The following UGCG variants were observed in gnomAD, a reference collection of about 807,000 sequenced individuals.
UGCG encodes the protein ceramide glucosyltransferase.
A neutral mutation model predicts 49.5 loss-of-function variants in UGCG; 10 were observed. That is an observed-to-expected ratio of 0.20 (90% CI 0.12 to 0.34). UGCG has a LOEUF of 0.34. Among genes scored for constraint, UGCG ranks in the 10% least tolerant of loss-of-function variants. The pLI, the probability that UGCG is intolerant of heterozygous loss-of-function variation, is 1.00. For missense variants in UGCG, 312 were observed against 483.7 expected (o/e 0.65, Z 3.33); for synonymous variants, 182 against 158.2 (o/e 1.15, Z -1.13).
intron 1 of UGCG, among the ~76,000 whole-genome samples, chr9:111,907,942 G>T (rs1014956436): frequency 2.0e-5 from 3 of 152,132 alleles, no homozygotes; most frequent in Non-Finnish European, 4.4e-5. Context: ...CTTATTTTCT[G>T]TGTCATAGGA....
chr9:111,934,092 A>T lies in UGCG; in HGVS notation c.*1095A>T, dbSNP rs568170662. On this transcript the variant is annotated 3_prime_UTR_variant, in exon 9 of 9. Transcript: ENST00000374279. ...GAGGGGACAGGATGAGTTTACTCTT[A>T]AAATTAATCAGTATCAAACTAAGTC... 1 of 152,182 alleles carries T rather than the reference A, an allele frequency of 6.6e-6. No homozygotes were observed. Among genetic ancestry groups the T allele is most frequent in the African/African-American group, 2.4e-5 (1 of 41,548 alleles). 9.4% of individuals were successfully genotyped at this position (152,182 alleles called of 1,614,324 possible). A position where few individuals can be genotyped will look rare whatever the true frequency, so the allele number is the denominator to read the frequency against.
At chr9:111,928,483 G>A (rs990618294) in intron 5 of UGCG, among the ~76,000 whole-genome samples, 1 of 152,122 alleles carries the variant, frequency 6.6e-6, no homozygotes. Flanking sequence ...GCCATACTTA[G>A]AATTAATCAT....
chr9:111,907,797 T>C (rs1403889976), intron 1 of UGCG, among the ~76,000 whole-genome samples: 1 of 151,944 alleles, frequency 6.6e-6, no homozygotes, highest in Non-Finnish European at 1.5e-5. Flanking sequence ...GCTAATTATT[T>C]TTTGTATTTT....
intron 2 of UGCG, among the ~76,000 whole-genome samples, chr9:111,919,794 CAA>C (rs61089422): frequency 3.1e-4 from 24 of 76,296 alleles, no homozygotes; most frequent in Admixed American, 7.7e-4. Context: ...GACTCCATCT[CAA>C]AAAAAAAAAA....
Position 111,897,056 on chromosome 9 carries a change from GCCC to G in UGCG, c.-159_-157del. The G allele has an allele frequency of 2.5e-6, 1 of 392,266 alleles. No individual in the cohort carries two copies. Among genetic ancestry groups the G allele is most frequent in the Middle Eastern group, 7.4e-4 (1 of 1,358 alleles). The allele number at this position is 392,266 out of a possible 1,614,324, so 24.3% of individuals were successfully genotyped here. A position where few individuals can be genotyped will look rare whatever the true frequency, so the allele number is the denominator to read the frequency against. Reference sequence around the variant, plus strand: ...GCGCGGGCGGGGGCGCGCAGGCCCTGCCCGCCCCTTCCGTCCCCACCCCCCTCC... The same window carrying G: ...GCGCGGGCGGGGGCGCGCAGGCCCTGGCCCCTTCCGTCCCCACCCCCCTCC... On this transcript the variant is annotated 5_prime_UTR_variant, in exon 1 of 9. Transcript: ENST00000374279.
intron 2 of UGCG, among the ~76,000 whole-genome samples, chr9:111,922,623 T>C (rs1275602524): frequency 6.6e-6 from 1 of 152,200 alleles, no homozygotes; most frequent in East Asian, 1.9e-4. Flanking sequence ...ACTGCCAGTC[T>C]CTTCCTTATT....
In UGCG at chr9:111,934,134, T is replaced by G. The variant is rs553993057; in HGVS notation, c.*1137T>G. 16 of 151,808 alleles carry G rather than the reference T, an allele frequency of 1.1e-4. No individual in the cohort carries two copies. Among genetic ancestry groups the G allele is most frequent in the Middle Eastern group, 3.4e-3 (1 of 294 alleles). The allele number at this position is 151,808 out of a possible 1,614,324, so 9.4% of individuals were successfully genotyped here. ...AACTAAGTCTACTGTGTGTGTTTTT[T>G]TTTTTTGTTTTTTGTTTTTGTTTGT... On this transcript the variant is annotated 3_prime_UTR_variant, in exon 9 of 9. Transcript: ENST00000374279.
intron 2 of UGCG, chr9:111,915,040 C>A (rs1014167537): frequency 1.2e-5 from 3 of 241,606 alleles, no homozygotes; most frequent in Non-Finnish European, 2.4e-5. Flanking sequence ...TAAAAATTTT[C>A]TTCCATAAGA....
intron 6 of UGCG, among the ~76,000 whole-genome samples, chr9:111,930,079 A>T (rs1417337202): frequency 6.6e-6 from 1 of 152,124 alleles, no homozygotes; most frequent in Non-Finnish European, 1.5e-5. Context: ...CGGCCTCCTA[A>T]AGTGCTGGGA....
chr9:111,927,514 C>T (rs374679003), intron 5 of UGCG, among the ~76,000 whole-genome samples: 41 of 151,762 alleles, frequency 2.7e-4, no homozygotes, highest in Non-Finnish European at 4.4e-4. Flanking sequence ...TGCAGTGGCG[C>T]GATCTCGGCT....
At chr9:111,899,956 C>T (rs1837737218) in intron 1 of UGCG, among the ~76,000 whole-genome samples, 1 of 152,080 alleles carries the variant, frequency 6.6e-6, no homozygotes, top group South Asian at 2.1e-4. Context: ...CTTTCTTAAC[C>T]TATTTTAGAT....
chr9:111,931,051 C>T (rs1838416333), intron 6 of UGCG, among the ~76,000 whole-genome samples: 2 of 152,064 alleles, frequency 1.3e-5, no homozygotes, highest in Admixed American at 6.6e-5. Flanking sequence ...AAGGTGGGTA[C>T]AGTTTCTTCT....
At chr9:111,931,911 C>T (rs1838432770) in intron 7 of UGCG, among the ~76,000 whole-genome samples, 1 of 151,902 alleles carries the variant, frequency 6.6e-6, no homozygotes, top group Non-Finnish European at 1.5e-5. Context: ...CACCTGTGGT[C>T]CCAGCTACTT....
Position 111,897,257 on chromosome 9 carries a change from C to T in UGCG, c.42C>T (p.Phe14=), listed in dbSNP as rs1837680788. 6.4e-7 allele frequency: 1 copy of T among 1,557,934 alleles called. No individual in the cohort carries two copies. Among genetic ancestry groups the T allele is most frequent in the Non-Finnish European group, 8.7e-7 (1 of 1,151,378 alleles). ...TGGCCTTGGAGGGAATGGCCGTCTTCGGGTTCGTCCTCTTCTTGGTGCTGT... is the reference window on the plus strand; with the variant it reads ...TGGCCTTGGAGGGAATGGCCGTCTTTGGGTTCGTCCTCTTCTTGGTGCTGT... The part of the protein sequence containing the change: ...LDLALEGMAV[F]GFVLFLVLWL... The change falls in exon 1 of 9, where the codon TTC becomes TTT. Residue 14 remains phenylalanine, a synonymous_variant. Coordinates refer to ENST00000374279, the MANE Select transcript of UGCG (RefSeq NM_003358.3).
intron 1 of UGCG, among the ~76,000 whole-genome samples, chr9:111,910,836 C>T (rs1837983693): frequency 6.6e-6 from 1 of 152,134 alleles, no homozygotes; most frequent in African/African-American, 2.4e-5. Context: ...GCCTCTGCCT[C>T]CCAGGTTCAA....
intron 1 of UGCG, among the ~76,000 whole-genome samples, chr9:111,899,846 C>G (rs991809620): frequency 6.6e-6 from 1 of 152,114 alleles, no homozygotes. Flanking sequence ...TCCAGAATTA[C>G]TTATCAGATG....
intron 6 of UGCG, among the ~76,000 whole-genome samples, chr9:111,930,119 A>T (rs578178918): frequency 1.1e-4 from 17 of 152,320 alleles, no homozygotes; most frequent in African/African-American, 4.1e-4. Flanking sequence ...CACCCAGCAG[A>T]TCAATAATTT....
At chr9:111,929,442 G>T in intron 5 of UGCG, 58 bp from the exon 6 acceptor site, 1 of 1,544,310 alleles carries the variant, frequency 6.5e-7, no homozygotes, top group Non-Finnish European at 8.7e-7. Flanking sequence ...AACAGTTCGT[G>T]AACACCATGC....
intron 1 of UGCG, among the ~76,000 whole-genome samples, chr9:111,899,061 G>A (rs1163522425): frequency 6.6e-6 from 1 of 152,152 alleles, no homozygotes; most frequent in Non-Finnish European, 1.5e-5. Context: ...ATTTGTAATA[G>A]ATGCATGATA....
Sources: allele counts gnomAD v4.1 joint callset (sites outside exome capture counted in the v4.1 genomes callset), GRCh38; gene constraint gnomAD v4.1.1; transcripts MANE v1.5; gene names NCBI Gene and HGNC (gene_info 2026-07-23, HGNC 2026-07-21).